MGAT4C: variants seen among roughly 807,000 people sequenced by gnomAD.
MGAT4C encodes the protein alpha-1,3-mannosyl-glycoprotein 4-beta-N-acetylglucosaminyltransferase C.
In MGAT4C, 19 loss-of-function variants were observed where a neutral mutation model predicts 40.1. The ratio of observed to expected loss-of-function variants is 0.47; its 90% CI spans 0.33 to 0.70. The LOEUF (loss-of-function observed/expected upper bound fraction) is 0.70. Among genes scored for constraint, MGAT4C ranks in the 30% least tolerant of loss-of-function variants. MGAT4C has a pLI of 0.02. For synonymous variants in MGAT4C, 181 were observed against 187.1 expected (o/e 0.97, Z 0.27); for missense variants, 491 against 563.2 (o/e 0.87, Z 1.30).
chr12:86,283,192 TAA>T lies in MGAT4C; in HGVS notation c.-57+50871_-57+50872del, dbSNP rs35691835. On this transcript the variant is annotated intron_variant, in intron 4 of 7. Transcript: ENST00000548651. ...TCTACCATTCTGCCTTCCACCACAA[TAA>T]AAAAAAAAAAATTCTTCCAAATAGA... Among the ~76,000 whole-genome samples the T allele has an allele frequency of 8.3e-3, 1,195 of 144,084 alleles. 21 individuals are homozygous for T. The highest frequency in any genetic ancestry group is 0.029 in the African/African-American group (1,136 of 39,324). The allele number at this position is 144,084 out of a possible 152,430, so 94.5% of individuals were successfully genotyped here.
At chr12:86,696,906 C>T (rs1309258486) in intron 2 of MGAT4C, among the ~76,000 whole-genome samples, 3 of 151,996 alleles carry the variant, frequency 2.0e-5, no homozygotes, top group South Asian at 2.1e-4. Flanking sequence ...TGGAAAATCA[C>T]CAGACAAATA....
chr12:86,302,400 GGT>G (rs567043127), intron 4 of MGAT4C, among the ~76,000 whole-genome samples: 1 of 128,646 alleles, frequency 7.8e-6, no homozygotes, highest in Non-Finnish European at 1.8e-5. Flanking sequence ...TTGTTTGTTT[GGT>G]TGGTTGGTTG....
At chr12:86,727,450 G>T (rs1387340579) in intron 1 of MGAT4C, among the ~76,000 whole-genome samples, 2 of 151,986 alleles carry the variant, frequency 1.3e-5, no homozygotes. Flanking sequence ...ATTATTTAAA[G>T]ATGTTATGAT....
chr12:86,832,604 C>T (rs1952952336), intron 1 of MGAT4C, among the ~76,000 whole-genome samples: 1 of 151,760 alleles, frequency 6.6e-6, no homozygotes, highest in Non-Finnish European at 1.5e-5. Context: ...TTTTCACTTA[C>T]AGTGCTATGT....
intron 2 of MGAT4C, among the ~76,000 whole-genome samples, chr12:86,585,042 T>C (rs771175401): frequency 5.9e-5 from 9 of 151,434 alleles, no homozygotes; most frequent in Non-Finnish European, 1.3e-4. Context: ...GGTTCAACCA[T>C]TATTTTATCT....
intron 1 of MGAT4C, among the ~76,000 whole-genome samples, chr12:86,825,972 A>G: frequency 6.6e-6 from 1 of 151,456 alleles, no homozygotes; most frequent in South Asian, 2.1e-4. Flanking sequence ...GTGATTGGCA[A>G]TAGTGCTAAG....
At chr12:86,157,817 G>C (rs1885143269) in intron 1 of MGAT4C, among the ~76,000 whole-genome samples, 1 of 152,062 alleles carries the variant, frequency 6.6e-6, no homozygotes, top group African/African-American at 2.4e-5. Flanking sequence ...CAGCGTGGGG[G>C]AAACGGCCCC....
rs919793729 is a variant in MGAT4C at position 85,976,699 on chromosome 12, G to GTATA, written c.*2586_*2589dup. The GTATA allele has an allele frequency of 6.9e-6, 1 of 145,926 alleles. No individual in the cohort carries two copies. Among genetic ancestry groups the GTATA allele is most frequent in the East Asian group, 2.0e-4 (1 of 5,112 alleles). The allele number at this position is 145,926 out of a possible 1,614,324, so 9.0% of individuals were successfully genotyped here. Reference sequence around the variant, plus strand: ...ATATATGTATATATGTATTATATATGTATATATATATAAACTTACAGCAAA... The same window carrying GTATA: ...ATATATGTATATATGTATTATATATGTATATATATATATATAAACTTACAGCAAA... On this transcript the variant is annotated 3_prime_UTR_variant, in exon 5 of 5. Transcript: ENST00000611864.
At chr12:86,394,496 T>TATA (rs1555183122) in intron 3 of MGAT4C, among the ~76,000 whole-genome samples, 1 of 145,574 alleles carries the variant, frequency 6.9e-6, no homozygotes, top group Non-Finnish European at 1.5e-5. Context: ...ATACTTTATA[T>TATA]ATATATTTTT....
chr12:86,560,740 T>C (rs137918281), intron 2 of MGAT4C, among the ~76,000 whole-genome samples: 64 of 152,150 alleles, frequency 4.2e-4, no homozygotes, highest in African/African-American at 1.5e-3. Context: ...AGAAAAGAAA[T>C]CCCAATTTCA....
chr12:86,551,626 G>C (rs374108868), intron 2 of MGAT4C, among the ~76,000 whole-genome samples: 259 of 152,246 alleles, frequency 1.7e-3, no homozygotes, highest in African/African-American at 5.8e-3. Flanking sequence ...TGAGTAACTA[G>C]GTGGCTGTGC....
At position 86,288,710 on chromosome 12, in the gene MGAT4C, C is replaced by CT. The variant is rs56775710; in HGVS notation, c.-57+45354dup. ...GTATATTTGTTGACCACATGTAAGT[C>CT]TTTTTTTGGAAAGTGTCTGTTCATG... On this transcript the variant is annotated intron_variant, in intron 4 of 7. Transcript: ENST00000548651. Among the ~76,000 whole-genome samples, 26 of 152,082 alleles carry CT rather than the reference C, an allele frequency of 1.7e-4. No homozygotes were observed. In the East Asian group the frequency reaches 4.7e-3, roughly 27 times the overall value.
chr12:85,994,328 G>T (rs1483106056), intron 2 of MGAT4C, among the ~76,000 whole-genome samples: 1 of 152,058 alleles, frequency 6.6e-6, no homozygotes, highest in Admixed American at 6.5e-5. Context: ...AGTTTCCATG[G>T]TGTATACCCC....
intron 2 of MGAT4C, among the ~76,000 whole-genome samples, chr12:86,600,481 A>C (rs1176603471): frequency 6.6e-6 from 1 of 152,222 alleles, no homozygotes; most frequent in African/African-American, 2.4e-5. Flanking sequence ...GAGTTGTGGA[A>C]GAATGTCAGC....
intron 2 of MGAT4C, among the ~76,000 whole-genome samples, chr12:86,705,216 C>A (rs1298117647): frequency 6.8e-6 from 1 of 147,588 alleles, no homozygotes; most frequent in Non-Finnish European, 1.5e-5. Context: ...TGTCTATTAT[C>A]TCTATCTATC....
At chr12:86,558,625 C>G (rs1028883680) in intron 2 of MGAT4C, among the ~76,000 whole-genome samples, 1 of 151,908 alleles carries the variant, frequency 6.6e-6, no homozygotes. Context: ...ATCACTAAAC[C>G]AGTCCTATAG....
intron 1 of MGAT4C, among the ~76,000 whole-genome samples, chr12:86,218,147 C>T (rs773705804): frequency 2.6e-5 from 4 of 151,392 alleles, no homozygotes; most frequent in Non-Finnish European, 5.9e-5. Flanking sequence ...TGCATTTTAC[C>T]GAGATAACTT....
chr12:86,790,417 C>A (rs560400788), intron 1 of MGAT4C, among the ~76,000 whole-genome samples: 21 of 151,352 alleles, frequency 1.4e-4, no homozygotes, highest in East Asian at 1.9e-4. Flanking sequence ...AATAATAATT[C>A]AAAAAAAACT....
At chr12:86,673,405 C>T (rs1050320663) in intron 2 of MGAT4C, among the ~76,000 whole-genome samples, 1 of 152,110 alleles carries the variant, frequency 6.6e-6, no homozygotes, top group Admixed American at 6.6e-5. Context: ...ATATCATTCC[C>T]TCATTCTCAC....
Sources: allele counts gnomAD v4.1 joint callset (sites outside exome capture counted in the v4.1 genomes callset), GRCh38; gene constraint gnomAD v4.1.1; transcripts MANE v1.5; gene names NCBI Gene and HGNC (gene_info 2026-07-23, HGNC 2026-07-21).